Variants in HOMER1 observed in about 807,000 individuals in gnomAD.
HOMER1 encodes homer protein homolog 1.
In HOMER1, 3 loss-of-function variants were observed where a neutral mutation model predicts 48.9. The ratio of observed to expected loss-of-function variants is 0.06; its 90% CI spans 0.03 to 0.16. HOMER1 has a LOEUF of 0.16. HOMER1 is among the 10% of genes least tolerant of loss of function. HOMER1 has a pLI of 1.00. For synonymous variants in HOMER1, 134 were observed against 146.4 expected (o/e 0.92, Z 0.61); for missense variants, 247 against 411.4 (o/e 0.60, Z 3.46).
intron 2 of HOMER1, among the ~76,000 whole-genome samples, chr5:79,453,750 A>G (rs1751090741): frequency 6.6e-6 from 1 of 152,192 alleles, no homozygotes; most frequent in South Asian, 2.1e-4. Context: ...AGCAAACTTC[A>G]TATGCACAGT....
At chr5:79,387,069 T>TTCTC (rs766145471) in intron 8 of HOMER1, among the ~76,000 whole-genome samples, 8,045 of 132,184 alleles carry the variant, frequency 0.061, 431 homozygotes, top group East Asian at 0.15. Context: ...TTTCCTTTCT[T>TTCTC]TCTCTATCTC....
chr5:79,374,416 T>C lies in HOMER1; in HGVS notation c.*1593A>G, dbSNP rs1336662203. ...TCACTCTAATGTAAATTAATATGTA[T>C]GTATTTACGTACATACACATACATA... On this transcript the variant is annotated 3_prime_UTR_variant, in exon 9 of 9. Transcript: ENST00000334082. 6.6e-6 allele frequency: 1 copy of C among 152,450 alleles called. No individual in the cohort carries two copies. The highest frequency in any genetic ancestry group is 2.4e-5 in the African/African-American group (1 of 41,448). 9.4% of individuals were successfully genotyped at this position (152,450 alleles called of 1,614,324 possible). A position where few individuals can be genotyped will look rare whatever the true frequency, so the allele number is the denominator to read the frequency against.
At chr5:79,465,584 C>CTTTTTTTTTTTTTTTTTTTTTTTTT (rs10666507) in intron 1 of HOMER1, among the ~76,000 whole-genome samples, 1 of 77,906 alleles carries the variant, frequency 1.3e-5, no homozygotes, top group African/African-American at 6.1e-5. Context: ...TACATTTCTT[C>CTTTTTTTTTTTTTTTTTTTTTTTTT]TTTTTTTTTT....
chr5:79,425,427 G>C (rs912702697), intron 5 of HOMER1, among the ~76,000 whole-genome samples: 34 of 152,120 alleles, frequency 2.2e-4, no homozygotes, highest in African/African-American at 7.9e-4. Context: ...CTATTTAGGT[G>C]TGTTATGCTT....
intron 4 of HOMER1, among the ~76,000 whole-genome samples, chr5:79,442,025 AAAAAT>A (rs1217250948): frequency 2.6e-5 from 4 of 151,902 alleles, no homozygotes; most frequent in Non-Finnish European, 4.4e-5. Context: ...AAAAAAAGCA[AAAAAT>A]AAAATGAAAT....
At chr5:79,402,084 C>G (rs1328862253) in intron 5 of HOMER1, 29 bp from the exon 6 acceptor site, 5 of 1,586,624 alleles carry the variant, frequency 3.2e-6, no homozygotes, top group Non-Finnish European at 4.3e-6. Flanking sequence ...AAAATTCTAT[C>G]CATTACACCA....
In HOMER1 at chr5:79,385,519, C is replaced by A. The variant is rs145050831; in HGVS notation, c.877-9322G>T. On this transcript the variant is annotated intron_variant, in intron 8 of 8. Transcript: ENST00000334082. ...AAAAATGCTCAATATCACTAATCAT[C>A]AAGGAAATACAAATCAAAACCAAAT... Among the ~76,000 whole-genome samples the A allele has an allele frequency of 7.0e-3, 1,068 of 152,174 alleles. 15 individuals are homozygous for A. The highest frequency in any genetic ancestry group is 0.025 in the African/African-American group (1,037 of 41,536).
At chr5:79,391,786 C>T (rs1749260841) in intron 8 of HOMER1, among the ~76,000 whole-genome samples, 1 of 151,096 alleles carries the variant, frequency 6.6e-6, no homozygotes, top group African/African-American at 2.4e-5. Flanking sequence ...AAAGTAGACA[C>T]ATCACTACTA....
intron 1 of HOMER1, among the ~76,000 whole-genome samples, chr5:79,460,544 G>T (rs1751291419): frequency 1.3e-5 from 2 of 152,174 alleles, no homozygotes; most frequent in South Asian, 4.1e-4. Context: ...AAGAGGATAG[G>T]AGTTTAGGGA....
At position 79,376,278 on chromosome 5, in the gene HOMER1, T is replaced by G. The variant is rs1748770916; in HGVS notation, c.877-81A>C. On this transcript the variant is annotated intron_variant, in intron 8 of 8. Transcript: ENST00000334082. The stretch of plus-strand genomic sequence containing the variant: ...TACAACTCTCTGTTATTACCAATAT[T>G]GCGGTAATCAATGCAGTTTGACTGT... 3 of 1,004,940 alleles carry G rather than the reference T, an allele frequency of 3.0e-6. No individual in the cohort carries two copies. In the African/African-American group the frequency reaches 4.9e-5, roughly 16 times the overall value. The allele number at this position is 1,004,940 out of a possible 1,614,324, so 62.3% of individuals were successfully genotyped here.
chr5:79,491,437 TCA>T (rs1752274636), intron 1 of HOMER1, among the ~76,000 whole-genome samples: 1 of 21,370 alleles, frequency 4.7e-5, no homozygotes. Flanking sequence ...AGACCTTGTC[TCA>T]AAAAAAAAAA....
At chr5:79,489,135 A>G (rs955394011) in intron 1 of HOMER1, among the ~76,000 whole-genome samples, 2 of 152,242 alleles carry the variant, frequency 1.3e-5, no homozygotes, top group African/African-American at 4.8e-5. Context: ...AATAGAAGAT[A>G]ATTACAATAT....
intron 5 of HOMER1, among the ~76,000 whole-genome samples, chr5:79,402,841 G>T (rs529180830): frequency 1.2e-4 from 18 of 152,160 alleles, no homozygotes; most frequent in African/African-American, 4.1e-4. Flanking sequence ...AATTGTTTTT[G>T]ATTTATTTCA....
chr5:79,496,077 G>C (rs1032213698), intron 1 of HOMER1, among the ~76,000 whole-genome samples: 2 of 152,160 alleles, frequency 1.3e-5, no homozygotes, highest in African/African-American at 4.8e-5. Context: ...GAAAATAGAA[G>C]GAATGGTGCC....
At chr5:79,378,221 T>TTAAAAAA (rs756900477) in intron 8 of HOMER1, among the ~76,000 whole-genome samples, 11 of 97,482 alleles carry the variant, frequency 1.1e-4, no homozygotes, top group South Asian at 3.0e-4. Context: ...AGACTCTGTC[T>TTAAAAAA]CAAAAAAAAA....
intron 1 of HOMER1, among the ~76,000 whole-genome samples, chr5:79,508,434 A>G (rs1291607526): frequency 6.6e-6 from 1 of 152,228 alleles, no homozygotes. Context: ...AAAAACCTCT[A>G]AACACACTAA....
chr5:79,447,152 G>A lies in HOMER1; in HGVS notation c.295-7C>T, dbSNP rs761654927. On this transcript the variant is annotated splice_region_variant and splice_polypyrimidine_tract_variant and intron_variant, in intron 3 of 8. Coordinates refer to ENST00000334082, the MANE Select transcript of HOMER1 (RefSeq NM_004272.5). ...CCTGAAACTTTTCTGCAAACTGAAT[G>A]TATAGAGACTACATACATTAACCAA... 6.4e-7 allele frequency: 1 copy of A among 1,572,684 alleles called. No individual in the cohort carries two copies. The highest frequency in any genetic ancestry group is 2.2e-5 in the East Asian group (1 of 44,672).
At chr5:79,500,081 G>A (rs1300370186) in intron 1 of HOMER1, among the ~76,000 whole-genome samples, 1 of 152,174 alleles carries the variant, frequency 6.6e-6, no homozygotes, top group East Asian at 1.9e-4. Flanking sequence ...ACCATTTCAA[G>A]TTAAAAGAAC....
chr5:79,502,687 T>C (rs1324530602), intron 1 of HOMER1, among the ~76,000 whole-genome samples: 3 of 152,256 alleles, frequency 2.0e-5, no homozygotes, highest in Non-Finnish European at 4.4e-5. Context: ...TAGCCTATAA[T>C]GTAACAACCT....
Sources: allele counts gnomAD v4.1 joint callset (sites outside exome capture counted in the v4.1 genomes callset), GRCh38; gene constraint gnomAD v4.1.1; transcripts MANE v1.5; gene names NCBI Gene and HGNC (gene_info 2026-07-23, HGNC 2026-07-21).